The following PCDH9 variants were observed in gnomAD, a reference collection of about 807,000 sequenced individuals.
PCDH9 encodes the protein protocadherin 9.
A neutral mutation model predicts 70.6 loss-of-function variants in PCDH9; 24 were observed. The ratio of observed to expected loss-of-function variants is 0.34; its 90% confidence interval spans 0.25 to 0.48. The LOEUF (loss-of-function observed/expected upper bound fraction) is 0.48, where lower values mean the gene tolerates loss of function less well. Among genes scored for constraint, PCDH9 ranks in the 20% least tolerant of loss-of-function variants. The probability of loss-of-function intolerance (pLI) is 0.99; values close to 1 mark genes in which losing one functional copy is unlikely to be tolerated. For missense variants in PCDH9, 1,281 were observed against 1,503.6 expected, an observed-to-expected ratio of 0.85 and a Z score of 2.45; for synonymous variants, 562 against 558.5, an observed-to-expected ratio of 1.01 and a Z score of -0.09.
intron 4 of PCDH9, among the ~76,000 whole-genome samples, chr13:66,309,019 A>T (rs1955518651): frequency 6.6e-6 from 1 of 152,132 alleles, no homozygotes; most frequent in South Asian, 2.1e-4. Context: ...TTTATGCTTT[A>T]AAAGTTTTTA....
chr13:67,041,045 C>A (rs2085103415), intron 2 of PCDH9, among the ~76,000 whole-genome samples: 1 of 151,794 alleles, frequency 6.6e-6, no homozygotes, highest in Non-Finnish European at 1.5e-5. Context: ...AAAGCAAGAA[C>A]AGAAGAGTCA....
rs966842469 is a variant in PCDH9, at chr13:66,666,823, T to A, written c.3139-35412A>T. 2.0e-5 allele frequency among the ~76,000 whole-genome samples: 3 copies of A among 152,296 alleles called. No individual in the cohort carries two copies. In the South Asian group the frequency reaches 6.2e-4, roughly 32 times the overall value. On this transcript the variant is annotated intron_variant, in intron 3 of 4. Transcript: ENST00000377865. ...GTTTTGACTTGCTATATTTGAGGTA[T>A]GAGGCAAAAAGATTTGAATATATGA...
rs141053927 is a variant in PCDH9, at chr13:66,407,216, A to G, written c.3341-102188T>C. On this transcript the variant is annotated intron_variant, in intron 4 of 4. Coordinates refer to ENST00000377865, the MANE Select transcript of PCDH9 (RefSeq NM_203487.3). Reference sequence around the variant, plus strand: ...TAGTAATACTAACAAAGCAACGAAAAAGGCAGCAATAAATATGCTCAAGCG... The same window carrying G: ...TAGTAATACTAACAAAGCAACGAAAGAGGCAGCAATAAATATGCTCAAGCG... Among the ~76,000 whole-genome samples the G allele has an allele frequency of 1.7e-3, 264 of 152,322 alleles. 2 individuals are homozygous for G. The highest frequency in any genetic ancestry group is 6.0e-3 in the African/African-American group (248 of 41,568).
chr13:66,494,344 C>A (rs752856908), intron 4 of PCDH9, among the ~76,000 whole-genome samples: 37 of 152,230 alleles, frequency 2.4e-4, no homozygotes, highest in Non-Finnish European at 3.7e-4. Context: ...TCTACCACAG[C>A]ATGAAATAGT....
chr13:66,549,593 T>C (rs1415790173), intron 4 of PCDH9, among the ~76,000 whole-genome samples: 2 of 152,162 alleles, frequency 1.3e-5, no homozygotes, highest in Admixed American at 1.3e-4. Flanking sequence ...TTAAACCTCT[T>C]TTCTTTAACT....
intron 4 of PCDH9, among the ~76,000 whole-genome samples, chr13:66,576,317 C>CATAG (rs2076814555): frequency 6.6e-6 from 1 of 152,044 alleles, no homozygotes; most frequent in Non-Finnish European, 1.5e-5. Context: ...TACACACACA[C>CATAG]ATAGACACAC....
Position 67,225,678 on chromosome 13 carries a change from G to T in PCDH9, c.2763C>A (p.Gly921=), listed in dbSNP as rs1191900289. The T allele has an allele frequency of 6.2e-7, 1 of 1,614,114 alleles. No homozygotes were observed. The highest frequency in any genetic ancestry group is 1.1e-5 in the South Asian group (1 of 91,074). ...GCTTGAATGTTGTTGGAGGTGCCGGGCCCCAGTCAAATCTTCCTATACTTT... is the reference window on the plus strand; with the variant it reads ...GCTTGAATGTTGTTGGAGGTGCCGGTCCCCAGTCAAATCTTCCTATACTTT... ...EEQSIGRFDW[G]PAPPTTFKPN... is the part of the protein sequence containing the mutation. Residue 921 remains glycine, a synonymous_variant, in exon 2 of 5, where the codon GGC becomes GGA. Transcript: ENST00000377865.
chr13:66,439,805 G>C (rs1223660014), intron 4 of PCDH9, among the ~76,000 whole-genome samples: 1 of 152,118 alleles, frequency 6.6e-6, no homozygotes, highest in Admixed American at 6.5e-5. Flanking sequence ...CTCTTGAGTT[G>C]TCCATGGTTT....
At chr13:66,433,432 GA>G (rs537893267) in intron 4 of PCDH9, among the ~76,000 whole-genome samples, 9 of 151,078 alleles carry the variant, frequency 6.0e-5, no homozygotes, top group Non-Finnish European at 1.0e-4. Context: ...ATGAAAACCA[GA>G]AAACCTTCCT....
At chr13:67,152,148 A>C (rs971177718) in intron 2 of PCDH9, among the ~76,000 whole-genome samples, 1 of 152,210 alleles carries the variant, frequency 6.6e-6, no homozygotes, top group Non-Finnish European at 1.5e-5. Context: ...TAAAAGCATA[A>C]TCTGCCTTTT....
intron 3 of PCDH9, among the ~76,000 whole-genome samples, chr13:66,699,877 C>A (rs1208124028): frequency 6.6e-6 from 1 of 151,906 alleles, no homozygotes; most frequent in Non-Finnish European, 1.5e-5. Context: ...AAATATTTAA[C>A]TGTATCTGAA....
intron 2 of PCDH9, among the ~76,000 whole-genome samples, chr13:67,077,380 T>G (rs1380653340): frequency 1.3e-5 from 2 of 152,122 alleles, no homozygotes; most frequent in Admixed American, 6.6e-5. Context: ...ATTTGTTTGT[T>G]TTTCAACCAT....
intron 2 of PCDH9, among the ~76,000 whole-genome samples, chr13:67,097,104 A>AT (rs1221166019): frequency 6.6e-6 from 1 of 151,136 alleles, no homozygotes; most frequent in Non-Finnish European, 1.5e-5. Context: ...AAAAAAAAAA[A>AT]ATTAGCTGGG....
intron 2 of PCDH9, among the ~76,000 whole-genome samples, chr13:67,153,342 T>A (rs112990655): frequency 5.3e-4 from 80 of 150,840 alleles, no homozygotes; most frequent in Non-Finnish European, 9.8e-4. Flanking sequence ...TGATTTGTTA[T>A]TTTTTTTTGC....
chr13:66,524,744 C>T (rs1960139521), intron 4 of PCDH9, among the ~76,000 whole-genome samples: 1 of 151,992 alleles, frequency 6.6e-6, no homozygotes. Flanking sequence ...GTTATATTAG[C>T]TTTCTAGCAA....
chr13:66,882,383 A>T (rs774977588), intron 3 of PCDH9, among the ~76,000 whole-genome samples: 6 of 152,156 alleles, frequency 3.9e-5, no homozygotes, highest in Non-Finnish European at 7.4e-5. Flanking sequence ...TTTATGCCAC[A>T]GTTTTGCTCC....
chr13:66,714,745 G>A (rs1049556790), intron 3 of PCDH9, among the ~76,000 whole-genome samples: 1 of 152,096 alleles, frequency 6.6e-6, no homozygotes, highest in Non-Finnish European at 1.5e-5. Context: ...GGTTATTAAG[G>A]TAAGGAGTTG....
intron 4 of PCDH9, among the ~76,000 whole-genome samples, chr13:66,553,258 C>T (rs1466893932): frequency 6.6e-6 from 1 of 152,142 alleles, no homozygotes; most frequent in Non-Finnish European, 1.5e-5. Context: ...CCTTATGCAT[C>T]CTTGTATCTC....
At chr13:66,928,474 C>T (rs1342877700) in intron 2 of PCDH9, among the ~76,000 whole-genome samples, 1 of 152,068 alleles carries the variant, frequency 6.6e-6, no homozygotes, top group African/African-American at 2.4e-5. Context: ...CATCTAAAAC[C>T]ATATTACACA....
Sources: allele counts gnomAD v4.1 joint callset (sites outside exome capture counted in the v4.1 genomes callset), GRCh38; gene constraint gnomAD v4.1.1; transcripts MANE v1.5; gene names NCBI Gene and HGNC (gene_info 2026-07-23, HGNC 2026-07-21).